Variants in MCC observed in about 807,000 individuals in gnomAD.
MCC encodes the protein colorectal mutant cancer protein.
MCC carries 90 observed loss-of-function variants against 116.2 expected under a neutral mutation model. The ratio of observed to expected loss-of-function variants is 0.77; its 90% CI spans 0.65 to 0.92. The LOEUF is 0.92. MCC is among the 40% of genes least tolerant of loss of function. MCC has a pLI of 0.00. For missense variants in MCC, 1,516 were observed against 1,312.2 expected, an observed-to-expected ratio of 1.16 and a Z score of -2.40; for synonymous variants, 578 against 510.5, an observed-to-expected ratio of 1.13 and a Z score of -1.78.
At chr5:113,047,443 A>G (rs2150218595) in intron 16 of MCC, among the ~76,000 whole-genome samples, 1 of 152,304 alleles carries the variant, frequency 6.6e-6, no homozygotes, top group Middle Eastern at 3.4e-3. Context: ...CTCCTCAGCA[A>G]GTGGGAGGTG....
chr5:113,126,654 T>C (rs188768973), intron 5 of MCC, among the ~76,000 whole-genome samples: 2 of 152,322 alleles, frequency 1.3e-5, no homozygotes, highest in African/African-American at 2.4e-5. Flanking sequence ...GCAAAAGTAA[T>C]TGCAGTTTTG....
At chr5:113,073,102 T>C (rs148032179) in intron 11 of MCC, among the ~76,000 whole-genome samples, 2 of 151,398 alleles carry the variant, frequency 1.3e-5, no homozygotes, top group East Asian at 3.9e-4. Flanking sequence ...TTTCAGTTCA[T>C]CAGCTGTCAT....
At chr5:113,181,878 G>A (rs1415206285) in intron 3 of MCC, among the ~76,000 whole-genome samples, 3 of 152,132 alleles carry the variant, frequency 2.0e-5, no homozygotes, top group African/African-American at 7.2e-5. Flanking sequence ...AAATTCTGAG[G>A]CCCAGGGGGG....
intron 3 of MCC, among the ~76,000 whole-genome samples, chr5:113,254,613 A>C (rs1398302299): frequency 2.0e-5 from 3 of 152,198 alleles, no homozygotes; most frequent in Non-Finnish European, 2.9e-5. Flanking sequence ...CTAAGCCACT[A>C]ACCAAATGTA....
chr5:113,189,067 C>T (rs1581225625), intron 3 of MCC, among the ~76,000 whole-genome samples: 1 of 152,196 alleles, frequency 6.6e-6, no homozygotes, highest in East Asian at 1.9e-4. Flanking sequence ...GTGAGGCCGT[C>T]TACCAAGCCC....
At chr5:113,487,167 T>G (rs1772554382) in intron 1 of MCC, among the ~76,000 whole-genome samples, 1 of 152,016 alleles carries the variant, frequency 6.6e-6, no homozygotes, top group African/African-American at 2.4e-5. Flanking sequence ...TTTTTTTTAT[T>G]TTAAGGGAAA....
At position 113,189,897 on chromosome 5, in the gene MCC, C is replaced by G. The variant is rs554949608; in HGVS notation, c.628-38475G>C. On this transcript the variant is annotated intron_variant, in intron 3 of 18. Coordinates refer to ENST00000408903, the MANE Select transcript of MCC (RefSeq NM_001085377.2). ...ATTACCAGTGAAGCTATATAACATT[C>G]CTGCAGGAGAAGATCCAGGCTTGGC... 5.3e-5 allele frequency among the ~76,000 whole-genome samples: 8 copies of G among 152,282 alleles called. No individual in the cohort carries two copies. In the East Asian group the frequency reaches 1.5e-3, roughly 29 times the overall value.
intron 3 of MCC, among the ~76,000 whole-genome samples, chr5:113,330,907 C>T (rs1222772331): frequency 6.6e-6 from 1 of 152,206 alleles, no homozygotes; most frequent in African/African-American, 2.4e-5. Context: ...CTTCCTACCA[C>T]CTCACTATCT....
At chr5:113,413,850 T>C (rs1261677606) in intron 1 of MCC, among the ~76,000 whole-genome samples, 1 of 152,224 alleles carries the variant, frequency 6.6e-6, no homozygotes, top group African/African-American at 2.4e-5. Flanking sequence ...TCTAGTTCTT[T>C]TAATTGTGAT....
rs1348337169 is a variant in MCC at position 113,434,356 on chromosome 5, GGCAGCGCTTGGAGAA to G, written c.171-49159_171-49145del. 2 of 1,613,902 alleles carry G rather than the reference GGCAGCGCTTGGAGAA, an allele frequency of 1.2e-6. No individual in the cohort carries two copies. Among genetic ancestry groups the G allele is most frequent in the Admixed American group, 3.3e-5 (2 of 60,010 alleles). On this transcript the variant is annotated intron_variant, in intron 1 of 18. Transcript: ENST00000408903. The surrounding 1 kb of genome is among the most constrained non-coding windows in gnomAD (Gnocchi z 4.2). ...GCCATTCGACCACTGTCATCCCGCA[GGCAGCGCTTGGAGAA>G]GCTGAAGTCGGACAGCTTGATGTTG...
chr5:113,170,399 A>G (rs1761010355), intron 3 of MCC, among the ~76,000 whole-genome samples: 1 of 152,130 alleles, frequency 6.6e-6, no homozygotes, highest in Non-Finnish European at 1.5e-5. Context: ...GACATTTCCA[A>G]AATTTTCTGA....
chr5:113,480,208 C>A (rs1772341023), intron 1 of MCC, among the ~76,000 whole-genome samples: 1 of 152,146 alleles, frequency 6.6e-6, no homozygotes, highest in Admixed American at 6.5e-5. Context: ...AATCTGACAA[C>A]CTTTTGTTGT....
At chr5:113,237,614 AG>A (rs1401566100) in intron 3 of MCC, among the ~76,000 whole-genome samples, 1 of 152,246 alleles carries the variant, frequency 6.6e-6, no homozygotes, top group Admixed American at 6.5e-5. Context: ...AACACGGGCC[AG>A]GGGAAAACGG....
intron 1 of MCC, among the ~76,000 whole-genome samples, chr5:113,462,033 C>A (rs1411165756): frequency 6.6e-6 from 1 of 152,174 alleles, no homozygotes; most frequent in African/African-American, 2.4e-5. Flanking sequence ...ACCTGCATGC[C>A]TGAGAACCTT....
intron 11 of MCC, among the ~76,000 whole-genome samples, chr5:113,076,038 A>G (rs1259728656): frequency 6.6e-6 from 1 of 152,214 alleles, no homozygotes; most frequent in East Asian, 1.9e-4. Flanking sequence ...TCTGAACATC[A>G]GAAGGAACAA....
At chr5:113,438,531 T>A (rs147989515) in intron 1 of MCC, among the ~76,000 whole-genome samples, 1 of 152,270 alleles carries the variant, frequency 6.6e-6, no homozygotes, top group East Asian at 1.9e-4. Flanking sequence ...TTAAAGTGAT[T>A]GTGAGGATTA....
At chr5:113,095,820 A>C (rs750031361) in intron 8 of MCC, among the ~76,000 whole-genome samples, 1 of 152,068 alleles carries the variant, frequency 6.6e-6, no homozygotes, top group Non-Finnish European at 1.5e-5. Flanking sequence ...GTCTAGTCTG[A>C]GAGGAGTTCA....
At chr5:113,035,627 G>GC (rs1751278030) in intron 17 of MCC, among the ~76,000 whole-genome samples, 1 of 152,094 alleles carries the variant, frequency 6.6e-6, no homozygotes, top group Non-Finnish European at 1.5e-5. Context: ...CCTCAACACA[G>GC]CCCTGCACAG....
At chr5:113,139,280 A>T (rs1759033662) in intron 5 of MCC, among the ~76,000 whole-genome samples, 1 of 152,178 alleles carries the variant, frequency 6.6e-6, no homozygotes, top group Non-Finnish European at 1.5e-5. Context: ...TGGCATTTCA[A>T]CATAATTTAA....
Sources: allele counts gnomAD v4.1 joint callset (sites outside exome capture counted in the v4.1 genomes callset), GRCh38; gene constraint gnomAD v4.1.1; non-coding constraint Gnocchi (gnomAD v3.1); transcripts MANE v1.5; gene names NCBI Gene and HGNC (gene_info 2026-07-23, HGNC 2026-07-21).